Variants in UNC13A observed in about 807,000 individuals in gnomAD.
The protein encoded by UNC13A is unc-13 homolog A, also known as protein unc-13 homolog A.
Under a neutral mutation model 219.7 loss-of-function variants are expected in UNC13A, and 61 were observed. That is an observed-to-expected ratio of 0.28 (90% CI 0.23 to 0.34). UNC13A has a LOEUF of 0.34. Ranked by LOEUF, UNC13A falls within the 10% of genes least tolerant of loss-of-function variation. UNC13A has a pLI of 1.00. For missense variants in UNC13A, 1,476 were observed against 2,270.3 expected, an observed-to-expected ratio of 0.65 and a Z score of 7.11; for synonymous variants, 920 against 884.6, an observed-to-expected ratio of 1.04 and a Z score of -0.71.
intron 28 of UNC13A, among the ~76,000 whole-genome samples, chr19:17,631,179 T>C (rs1305872860): frequency 0.01 from 71 of 6,792 alleles, 1 homozygote; most frequent in East Asian, 0.014. Context: ...CCCTCCCTCC[T>C]TTCCTTCCTT....
intron 1 of UNC13A, among the ~76,000 whole-genome samples, chr19:17,686,288 T>G (rs1599426845): frequency 3.9e-4 from 19 of 48,700 alleles, no homozygotes; most frequent in East Asian, 9.6e-4. Context: ...GAGTTAAGGG[T>G]GAGATCCCCG....
At chr19:17,654,110 A>G (rs1205955632) in intron 11 of UNC13A, among the ~76,000 whole-genome samples, 1 of 152,108 alleles carries the variant, frequency 6.6e-6, no homozygotes, top group Non-Finnish European at 1.5e-5. Flanking sequence ...TACAGGCTTG[A>G]GCAACCACGC....
chr19:17,630,141 A>G lies in UNC13A; in HGVS notation c.3669+4T>C. ...TAGCCCCAACCCTACCCACTCTCCC[A>G]CACCTTGGCAAAGCGCCTCATGTAG... is the stretch of plus-strand genomic sequence containing the variant. On this transcript the variant is annotated splice_donor_region_variant and intron_variant, in intron 30 of 43. Transcript: ENST00000519716. 6.4e-7 allele frequency: 1 copy of G among 1,551,582 alleles called. No homozygotes were observed. Among genetic ancestry groups the G allele is most frequent in the African/African-American group, 1.4e-5 (1 of 73,028 alleles).
chr19:17,633,803 A>G (rs896852644), intron 26 of UNC13A, among the ~76,000 whole-genome samples: 1 of 151,256 alleles, frequency 6.6e-6, no homozygotes, highest in Non-Finnish European at 1.5e-5. Context: ...TCAACCACCC[A>G]TCTATCTGTT....
In UNC13A at chr19:17,609,103, G is replaced by A. The variant is rs149659351; in HGVS notation, c.4811+837C>T. ...ATCCCGAGTAGCTGGGATCACAGGCGTGCGCCACCACACCCGGCTAATTTT... is the reference window on the plus strand; with the variant it reads ...ATCCCGAGTAGCTGGGATCACAGGCATGCGCCACCACACCCGGCTAATTTT... On this transcript the variant is annotated intron_variant, in intron 43 of 43. Transcript: ENST00000519716. 6.6e-3 allele frequency among the ~76,000 whole-genome samples: 979 copies of A among 148,626 alleles called. 12 individuals are homozygous for A. The highest frequency in any genetic ancestry group is 0.023 in the African/African-American group (935 of 40,118).
At chr19:17,646,618 A>C (rs922994349) in intron 17 of UNC13A, among the ~76,000 whole-genome samples, 1 of 151,994 alleles carries the variant, frequency 6.6e-6, no homozygotes, top group African/African-American at 2.4e-5. Context: ...GAACTCCCTG[A>C]GGTCAGACAC....
intron 36 of UNC13A, chr19:17,623,276 A>C (rs1236878613): frequency 4.5e-6 from 2 of 445,242 alleles, no homozygotes; most frequent in Non-Finnish European, 8.0e-6. Context: ...GCGAAGGAGG[A>C]GCTGGGCTTG....
chr19:17,617,246 G>A (rs1340657846), intron 41 of UNC13A, among the ~76,000 whole-genome samples: 1 of 152,064 alleles, frequency 6.6e-6, no homozygotes, highest in Non-Finnish European at 1.5e-5. Context: ...CACTCCTGAA[G>A]TCTCCCAGAG....
chr19:17,672,351 T>A (rs2079805359), intron 4 of UNC13A, 27 bp downstream of exon 4: 1 of 1,600,878 alleles, frequency 6.2e-7, no homozygotes, highest in East Asian at 2.2e-5. Context: ...CTCCTCCTTC[T>A]TCACCCTCAG....
At chr19:17,608,454 TATA>T (rs1347117946) in intron 43 of UNC13A, among the ~76,000 whole-genome samples, 1 of 139,720 alleles carries the variant, frequency 7.2e-6, no homozygotes, top group African/African-American at 2.6e-5. Context: ...TATTATATAA[TATA>T]ATATAAATAC....
chr19:17,629,461 A>C (rs998367597), intron 30 of UNC13A, 138 bp from the exon 31 acceptor site: 4 of 663,760 alleles, frequency 6.0e-6, no homozygotes, highest in Admixed American at 5.4e-5. Context: ...GGGCTAGGCA[A>C]ATTCTCCACT....
rs949780220 is a variant in UNC13A at position 17,674,603 on chromosome 19, C to A, written c.152+54G>T. On this transcript the variant is annotated intron_variant, in intron 3 of 43. Transcript: ENST00000519716. The surrounding 1 kb of genome is among the most constrained non-coding windows in gnomAD (Gnocchi z 5.0). Reference sequence around the variant, plus strand: ...GTCCAGCTCTGCCCTGAGGGGCCAGCGAGGTGCTGGGCTATGCCAGGGAGT... The same window carrying A: ...GTCCAGCTCTGCCCTGAGGGGCCAGAGAGGTGCTGGGCTATGCCAGGGAGT... 4.6e-6 allele frequency: 7 copies of A among 1,533,290 alleles called. No homozygotes were observed. In the African/African-American group the frequency reaches 9.5e-5, roughly 21 times the overall value. The allele number at this position is 1,533,290 out of a possible 1,614,324, so 95.0% of individuals were successfully genotyped here. A position where few individuals can be genotyped will look rare whatever the true frequency, so the allele number is the denominator to read the frequency against.
intron 11 of UNC13A, 53 bp downstream of exon 11, chr19:17,655,221 T>C (rs536830888): frequency 6.2e-6 from 9 of 1,441,898 alleles, no homozygotes; most frequent in Admixed American, 5.9e-5. Flanking sequence ...GGGCCTGCCA[T>C]TGGGCGTGGC....
At chr19:17,655,215 C>A in intron 11 of UNC13A, 59 bp downstream of exon 11, 1 of 1,397,168 alleles carries the variant, frequency 7.2e-7, no homozygotes. Context: ...ATGTGTGGGC[C>A]TGCCATTGGG....
At chr19:17,625,726 ACCC>A (rs1016018428) in intron 34 of UNC13A, among the ~76,000 whole-genome samples, 2 of 143,610 alleles carry the variant, frequency 1.4e-5, no homozygotes, top group East Asian at 2.2e-4. Context: ...TCATCCACCC[ACCC>A]CCCCATCTGT....
intron 41 of UNC13A, 107 bp from the exon 42 acceptor site, chr19:17,611,962 C>G (rs2076609035): frequency 1.1e-6 from 1 of 931,584 alleles, no homozygotes; most frequent in Admixed American, 2.1e-5. Flanking sequence ...ACCAGGTCAT[C>G]AGCCCTGATA....
rs776415617 is a variant in UNC13A at position 17,630,764 on chromosome 19, C to A, written c.3429-14G>T. 3 of 1,612,214 alleles carry A rather than the reference C, an allele frequency of 1.9e-6. No individual in the cohort carries two copies. The Admixed American group carries it at 5.0e-5, about 27-fold the overall frequency. ...GGTTCAAACCATCTGGAATGAAGAGCCGGGGTGGGGCTCTGCCACCTCTTG... is the reference window on the plus strand; with the variant it reads ...GGTTCAAACCATCTGGAATGAAGAGACGGGGTGGGGCTCTGCCACCTCTTG... On this transcript the variant is annotated splice_polypyrimidine_tract_variant and intron_variant, in intron 28 of 43. Coordinates refer to ENST00000519716, the MANE Select transcript of UNC13A (RefSeq NM_001080421.3).
chr19:17,663,608 A>T, intron 7 of UNC13A, 41 bp from the exon 8 acceptor site: 7 of 1,582,794 alleles, frequency 4.4e-6, no homozygotes, highest in Non-Finnish European at 6.0e-6. Context: ...GGGAGCAGAC[A>T]GAGGGGTGGG....
chr19:17,644,523 G>GTTTTTTTTTTT (rs57314065), intron 19 of UNC13A, among the ~76,000 whole-genome samples: 1 of 99,154 alleles, frequency 1.0e-5, no homozygotes, highest in Non-Finnish European at 1.9e-5. Flanking sequence ...TTTTTCTTTT[G>GTTTTTTTTTTT]TTTTTTTTTT....
Sources: allele counts gnomAD v4.1 joint callset (sites outside exome capture counted in the v4.1 genomes callset), GRCh38; gene constraint gnomAD v4.1.1; non-coding constraint Gnocchi (gnomAD v3.1); transcripts MANE v1.5; gene names NCBI Gene and HGNC (gene_info 2026-07-23, HGNC 2026-07-21).